The following PPP1R3E variants were observed in gnomAD, a reference collection of about 807,000 sequenced individuals.
PPP1R3E encodes the protein protein phosphatase 1, regulatory (inhibitor) subunit 3E.
Under a neutral mutation model 18.5 loss-of-function variants are expected in PPP1R3E, and 20 were observed. The observed-to-expected ratio is 1.08, with a 90% confidence interval of 0.76 to 1.58. The LOEUF (loss-of-function observed/expected upper bound fraction) is 1.58, where lower values mean the gene tolerates loss of function less well. PPP1R3E is among the 40% of genes most tolerant of loss of function. The probability of loss-of-function intolerance (pLI) is 0.00; values close to 1 mark genes in which losing one functional copy is unlikely to be tolerated. For missense variants in PPP1R3E, 498 were observed against 460.2 expected, an observed-to-expected ratio of 1.08 and a Z score of -0.75; for synonymous variants, 208 against 208.1, an observed-to-expected ratio of 1.00 and a Z score of 0.00.
intron 1 of PPP1R3E, 45 bp downstream of exon 1, chr14:23,302,115 C>T: frequency 7.2e-7 from 1 of 1,387,018 alleles, no homozygotes; most frequent in Non-Finnish European, 9.3e-7. Context: ...CCGCTGCGGC[C>T]GACTGGAGGA....
In PPP1R3E at chr14:23,296,345, T is replaced by C. The variant is rs1258645150; in HGVS notation, c.*2959A>G. The C allele has an allele frequency of 2.0e-5, 3 of 152,118 alleles. No individual in the cohort carries two copies. The highest frequency in any genetic ancestry group is 4.4e-5 in the Non-Finnish European group (3 of 68,020). The allele number at this position is 152,118 out of a possible 1,614,324, so 9.4% of individuals were successfully genotyped here. A position where few individuals can be genotyped will look rare whatever the true frequency, so the allele number is the denominator to read the frequency against. Reference sequence around the variant, plus strand: ...CTTGCCATGAAGAATCACGGGCTTGTGTAGAGACCTCTTTCTTTTCTTTTT... The same window carrying C: ...CTTGCCATGAAGAATCACGGGCTTGCGTAGAGACCTCTTTCTTTTCTTTTT... On this transcript the variant is annotated 3_prime_UTR_variant, in exon 5 of 5. Coordinates refer to ENST00000452015, the MANE Select transcript of PPP1R3E (RefSeq NM_001276318.2).
At chr14:23,301,098 G>C (rs1185939831) in intron 2 of PPP1R3E, 200 bp downstream of exon 2, 1 of 251,218 alleles carries the variant, frequency 4.0e-6, no homozygotes, top group African/African-American at 2.2e-5. Flanking sequence ...TCACTGAAGG[G>C]AAGGCCACCA....
rs934983780 is a variant in PPP1R3E, at chr14:23,297,915, C to T, written c.*1389G>A. ...GCACTTACCCAGTAACATCGGGATT[C>T]CTAGAAAAGGCCCAAGCACAGACCC... On this transcript the variant is annotated 3_prime_UTR_variant, in exon 5 of 5. Coordinates refer to ENST00000452015, the MANE Select transcript of PPP1R3E (RefSeq NM_001276318.2). The T allele has an allele frequency of 6.6e-6, 1 of 151,516 alleles. No homozygotes were observed. The highest frequency in any genetic ancestry group is 1.5e-5 in the Non-Finnish European group (1 of 67,704). 9.4% of individuals were successfully genotyped at this position (151,516 alleles called of 1,614,324 possible).
chr14:23,302,380 G>T lies in PPP1R3E; in HGVS notation c.197C>A (p.Ser66Tyr), dbSNP rs1216280435. 2 of 1,493,734 alleles carry T rather than the reference G, an allele frequency of 1.3e-6. No homozygotes were observed. Among genetic ancestry groups the T allele is most frequent in the Non-Finnish European group, 1.8e-6 (2 of 1,132,082 alleles). The allele number at this position is 1,493,734 out of a possible 1,614,324, so 92.5% of individuals were successfully genotyped here. Residue 66 changes from serine (S) to tyrosine (Y), a missense_variant, in exon 1 of 5, where the codon TCT becomes TAT. Coordinates refer to ENST00000452015, the MANE Select transcript of PPP1R3E (RefSeq NM_001276318.2). ...HAPSRGRRARSAPAGGGGARA... is the reference protein window; with the variant it reads ...HAPSRGRRARYAPAGGGGARA... The stretch of plus-strand genomic sequence containing the variant: ...GGCCCCGCCGCCTCCGGCTGGTGCA[G>T]ATCGGGCCCGGCGGCCCCGACTCGG...
In PPP1R3E at chr14:23,301,753, C is replaced by T. The variant is rs1472744364; in HGVS notation, c.523G>A (p.Ala175Thr). The T allele has an allele frequency of 1.4e-6, 2 of 1,421,030 alleles. No individual in the cohort carries two copies. Among genetic ancestry groups the T allele is most frequent in the Non-Finnish European group, 1.8e-6 (2 of 1,090,972 alleles). 88.0% of individuals were successfully genotyped at this position (1,421,030 alleles called of 1,614,324 possible). A position where few individuals can be genotyped will look rare whatever the true frequency, so the allele number is the denominator to read the frequency against. The change falls in exon 2 of 5, where the codon GCC becomes ACC. Residue 175 changes from alanine (A) to threonine (T), a missense_variant. By Grantham distance (58) the Ala-to-Thr change is moderately conservative. Coordinates refer to ENST00000452015, the MANE Select transcript of PPP1R3E (RefSeq NM_001276318.2). ...AGGTCCACCACGCGCGCGCTCCCGG[C>T]CACGCCCAGCGGGCCCGCCTCGGCG... ...ERAEAGPLGV[A>T]GSARVVDLAY...
In PPP1R3E at chr14:23,302,438, T is replaced by G; in HGVS notation, c.139A>C (p.Thr47Pro). The G allele has an allele frequency of 6.7e-7, 1 of 1,501,644 alleles. No individual in the cohort carries two copies. The highest frequency in any genetic ancestry group is 8.8e-7 in the Non-Finnish European group (1 of 1,134,468). The allele number at this position is 1,501,644 out of a possible 1,614,324, so 93.0% of individuals were successfully genotyped here. Reference protein sequence around the residue: ...EPEEEPGEGGTRFGARSRAHA... With the variant: ...EPEEEPGEGGPRFGARSRAHA... ...GCGCGGGATCGGGCCCCGAACCGCGTCCCGCCCTCGCCTGGCTCCTCCTCC... is the reference window on the plus strand; with the variant it reads ...GCGCGGGATCGGGCCCCGAACCGCGGCCCGCCCTCGCCTGGCTCCTCCTCC... Residue 47 changes from threonine to proline, a missense_variant, in exon 1 of 5, where the codon ACG becomes CCG. Physicochemically the swap from Thr to Pro is conservative, Grantham distance 38 (BLOSUM62 -1). Transcript: ENST00000452015.
chr14:23,301,701 C>T lies in PPP1R3E; in HGVS notation c.575G>A (p.Arg192His). The change falls in exon 2 of 5, where the codon CGC becomes CAC. Residue 192 changes from arginine (R) to histidine (H), a missense_variant. Transcript: ENST00000452015. ...DLAYEKRVSV[R>H]WSADGWRSQR... ...GCTCCGCCAGCCGTCGGCGCTCCAGCGCACGCTCACGCGCTTCTCGTAGGC... is the reference window on the plus strand; with the variant it reads ...GCTCCGCCAGCCGTCGGCGCTCCAGTGCACGCTCACGCGCTTCTCGTAGGC... The T allele has an allele frequency of 1.5e-6, 2 of 1,369,574 alleles. No individual in the cohort carries two copies. Among genetic ancestry groups the T allele is most frequent in the South Asian group, 1.7e-5 (1 of 58,872 alleles). The allele number at this position is 1,369,574 out of a possible 1,614,324, so 84.8% of individuals were successfully genotyped here. A position where few individuals can be genotyped will look rare whatever the true frequency, so the allele number is the denominator to read the frequency against.
Position 23,301,553 on chromosome 14 carries a change from A to G in PPP1R3E, c.723T>C (p.Arg241=). The G allele has an allele frequency of 6.7e-7, 1 of 1,493,246 alleles. No homozygotes were observed. The highest frequency in any genetic ancestry group is 2.0e-4 in the Middle Eastern group (1 of 5,078). 92.5% of individuals were successfully genotyped at this position (1,493,246 alleles called of 1,614,324 possible). The change falls in exon 2 of 5, where the codon CGT becomes CGC. Residue 241 remains arginine, a synonymous_variant. Transcript: ENST00000452015. ...GGALLFALRY[R]VTGHEFWDNN... ...TGTCCCAGAACTCGTGACCTGTCACACGGTAGCGCAAGGCGAAGAGCAGGG... is the reference window on the plus strand; with the variant it reads ...TGTCCCAGAACTCGTGACCTGTCACGCGGTAGCGCAAGGCGAAGAGCAGGG...
chr14:23,301,350 T>G lies in PPP1R3E; in HGVS notation c.*86A>C. 9.3e-7 allele frequency: 1 copy of G among 1,080,682 alleles called. No individual in the cohort carries two copies. The highest frequency in any genetic ancestry group is 6.5e-5 in the East Asian group (1 of 15,412). 66.9% of individuals were successfully genotyped at this position (1,080,682 alleles called of 1,614,324 possible). ...CTTGGACCGCTCCCGCCAATCCTGG[T>G]CTCTCCTACTCCTCCCCGCCACATC... On this transcript the variant is annotated 3_prime_UTR_variant, in exon 2 of 5. Transcript: ENST00000452015.
Position 23,302,320 on chromosome 14 carries a change from TTGCGGG to T in PPP1R3E, c.251_256del (p.Thr84_Arg85del). 1 of 1,516,058 alleles carries T rather than the reference TTGCGGG, an allele frequency of 6.6e-7. No individual in the cohort carries two copies. The allele number at this position is 1,516,058 out of a possible 1,614,324, so 93.9% of individuals were successfully genotyped here. A position where few individuals can be genotyped will look rare whatever the true frequency, so the allele number is the denominator to read the frequency against. ...CAGTGCGTCGGCGAAACGCACTCTC[TTGCGGG>T]TGTCTGGGCTACGGCTGCGGGGCGC... On this transcript the variant is annotated inframe_deletion, in exon 1 of 5. Coordinates refer to ENST00000452015, the MANE Select transcript of PPP1R3E (RefSeq NM_001276318.2).
Position 23,301,460 on chromosome 14 carries a change from C to T in PPP1R3E, c.816G>A (p.Pro272=). Residue 272 remains proline (P), a synonymous_variant, in exon 2 of 5, where the codon CCG becomes CCA. Coordinates refer to ENST00000452015, the MANE Select transcript of PPP1R3E (RefSeq NM_001276318.2). ...CTCAGATAAAGTGGATCCAGCCCTG[C>T]GGCTCCGGAGCTCCGCCACTGCCCG... ...EHPGSGGAPE[P]QGWIHFI 1 of 1,462,572 alleles carries T rather than the reference C, an allele frequency of 6.8e-7. No homozygotes were observed. The highest frequency in any genetic ancestry group is 9.0e-7 in the Non-Finnish European group (1 of 1,111,148). 90.6% of individuals were successfully genotyped at this position (1,462,572 alleles called of 1,614,324 possible). A position where few individuals can be genotyped will look rare whatever the true frequency, so the allele number is the denominator to read the frequency against.
intron 3 of PPP1R3E, among the ~76,000 whole-genome samples, chr14:23,299,927 G>GTTTTT (rs3079707): frequency 0.082 from 8,218 of 100,222 alleles, 744 homozygotes; most frequent in Non-Finnish European, 0.12. Context: ...TTTTGTTTTT[G>GTTTTT]TTTTTTTTTT....
chr14:23,301,721 G>T lies in PPP1R3E; in HGVS notation c.555C>A (p.Tyr185Ter). The T allele has an allele frequency of 1.4e-6, 2 of 1,406,348 alleles. No homozygotes were observed. Among genetic ancestry groups the T allele is most frequent in the Non-Finnish European group, 1.8e-6 (2 of 1,082,036 alleles). The allele number at this position is 1,406,348 out of a possible 1,614,324, so 87.1% of individuals were successfully genotyped here. Reference protein sequence around the residue: ...AGSARVVDLAYEKRVSVRWSA... With the variant: ...AGSARVVDLA ...TCCAGCGCACGCTCACGCGCTTCTC[G>T]TAGGCCAGGTCCACCACGCGCGCGC... is the stretch of plus-strand genomic sequence containing the variant. Residue 185 changes from tyrosine to a stop codon, truncating the protein, a stop_gained, in exon 2 of 5, where the codon TAC becomes TAA. Coordinates refer to ENST00000452015, the MANE Select transcript of PPP1R3E (RefSeq NM_001276318.2). LOFTEE classifies it high-confidence loss of function.
chr14:23,301,459 G>A lies in PPP1R3E; in HGVS notation c.817C>T (p.Gln273Ter). 1.4e-6 allele frequency: 2 copies of A among 1,464,180 alleles called. No homozygotes were observed. Among genetic ancestry groups the A allele is most frequent in the South Asian group, 1.3e-5 (1 of 76,886 alleles). 90.7% of individuals were successfully genotyped at this position (1,464,180 alleles called of 1,614,324 possible). A position where few individuals can be genotyped will look rare whatever the true frequency, so the allele number is the denominator to read the frequency against. ...TCTCAGATAAAGTGGATCCAGCCCT[G>A]CGGCTCCGGAGCTCCGCCACTGCCC... ...HPGSGGAPEP[Q>*]GWIHFI The change falls in exon 2 of 5, where the codon CAG becomes TAG. Residue 273 changes from glutamine (Q) to a stop codon, truncating the protein, a stop_gained. Coordinates refer to ENST00000452015, the MANE Select transcript of PPP1R3E (RefSeq NM_001276318.2). LOFTEE classifies it high-confidence loss of function.
Position 23,302,430 on chromosome 14 carries a change from G to A in PPP1R3E, c.147C>T (p.Phe49=). The change falls in exon 1 of 5, where the codon TTC becomes TTT. Residue 49 remains phenylalanine (F), a synonymous_variant. Coordinates refer to ENST00000452015, the MANE Select transcript of PPP1R3E (RefSeq NM_001276318.2). The part of the protein sequence containing the change: ...EEEPGEGGTR[F]GARSRAHAPS... ...GTGCGTGAGCGCGGGATCGGGCCCC[G>A]AACCGCGTCCCGCCCTCGCCTGGCT... 4 of 1,499,514 alleles carry A rather than the reference G, an allele frequency of 2.7e-6. No individual in the cohort carries two copies. Among genetic ancestry groups the A allele is most frequent in the Non-Finnish European group, 3.5e-6 (4 of 1,133,666 alleles). The allele number at this position is 1,499,514 out of a possible 1,614,324, so 92.9% of individuals were successfully genotyped here. A position where few individuals can be genotyped will look rare whatever the true frequency, so the allele number is the denominator to read the frequency against.
intron 2 of PPP1R3E, 40 bp downstream of exon 2, chr14:23,301,258 C>T (rs1235873587): frequency 7.6e-6 from 1 of 130,774 alleles, no homozygotes; most frequent in Non-Finnish European, 1.7e-5. Flanking sequence ...ACTCCCCCCG[C>T]CCCCACGCCC....
Position 23,301,579 on chromosome 14 carries a change from C to G in PPP1R3E, c.697G>C (p.Ala233Pro), listed in dbSNP as rs990021167. Residue 233 changes from alanine (A) to proline (P), a missense_variant, in exon 2 of 5, where the codon GCC becomes CCC. Transcript: ENST00000452015. ...CGGTAGCGCAAGGCGAAGAGCAGGG[C>G]GCCCCCAATCGGCGGCGCGGGCAGG... The part of the protein sequence containing the change: ...FRLPAPPIGG[A>P]LLFALRYRVT... The G allele has an allele frequency of 6.9e-7, 1 of 1,451,450 alleles. No individual in the cohort carries two copies. The highest frequency in any genetic ancestry group is 3.0e-5 in the East Asian group (1 of 33,454). 89.9% of individuals were successfully genotyped at this position (1,451,450 alleles called of 1,614,324 possible). A position where few individuals can be genotyped will look rare whatever the true frequency, so the allele number is the denominator to read the frequency against.
rs930997612 is a variant in PPP1R3E at position 23,301,730 on chromosome 14, G to T, written c.546C>A (p.Asp182Glu). The change falls in exon 2 of 5, where the codon GAC becomes GAA. Residue 182 changes from aspartate to glutamate, a missense_variant. Asp to Glu is a conservative substitution (Grantham distance 45, BLOSUM62 2). Transcript: ENST00000452015. ...CGCTCACGCGCTTCTCGTAGGCCAG[G>T]TCCACCACGCGCGCGCTCCCGGCCA... ...LGVAGSARVV[D>E]LAYEKRVSVR... The T allele has an allele frequency of 1.0e-4, 144 of 1,412,608 alleles. No individual in the cohort carries two copies. The highest frequency in any genetic ancestry group is 2.5e-4 in the Middle Eastern group (1 of 3,970). 87.5% of individuals were successfully genotyped at this position (1,412,608 alleles called of 1,614,324 possible). A position where few individuals can be genotyped will look rare whatever the true frequency, so the allele number is the denominator to read the frequency against.
rs548411535 is a variant in PPP1R3E, at chr14:23,301,762, G to C, written c.514C>G (p.Leu172Val). The C allele has an allele frequency of 6.0e-4, 860 of 1,425,964 alleles. 11 individuals are homozygous for C. In the East Asian group the frequency reaches 0.02, roughly 33 times the overall value. 88.3% of individuals were successfully genotyped at this position (1,425,964 alleles called of 1,614,324 possible). A position where few individuals can be genotyped will look rare whatever the true frequency, so the allele number is the denominator to read the frequency against. Residue 172 changes from leucine to valine, a missense_variant, in exon 2 of 5, where the codon CTG becomes GTG. Transcript: ENST00000452015. ...ICLERAEAGP[L>V]GVAGSARVVD... Reference sequence around the variant, plus strand: ...ACGCGCGCGCTCCCGGCCACGCCCAGCGGGCCCGCCTCGGCGCGTTCCAGG... The same window carrying C: ...ACGCGCGCGCTCCCGGCCACGCCCACCGGGCCCGCCTCGGCGCGTTCCAGG...
Sources: gnomAD v4.1 joint callset for allele counts (sites outside exome capture counted in the v4.1 genomes callset) on GRCh38, gnomAD v4.1.1 for gene constraint, MANE v1.5 for transcripts, NCBI Gene and HGNC (gene_info 2026-07-23, HGNC 2026-07-21) for gene names.